Variants in MYO16 observed in about 807,000 individuals in gnomAD.
The protein encoded by MYO16 is unconventional myosin-XVI.
In MYO16, 94 loss-of-function variants were observed where a neutral mutation model predicts 205.3. That is an observed-to-expected ratio of 0.46 (90% CI 0.39 to 0.54). The LOEUF is 0.54. MYO16 is among the 20% of genes least tolerant of loss of function. The probability of loss-of-function intolerance (pLI) is 0.00; values close to 1 mark genes in which losing one functional copy is unlikely to be tolerated. For missense variants in MYO16, 2,315 were observed against 2,387.5 expected (o/e 0.97, Z 0.63); for synonymous variants, 988 against 954.0 (o/e 1.04, Z -0.66).
chr13:108,589,776 T>C, the MYO16 span, among the ~76,000 whole-genome samples: 1 of 152,204 alleles, frequency 6.6e-6, no homozygotes, highest in Admixed American at 6.5e-5. Context: ...AAATGTTTCC[T>C]GGAATTGTGT....
chr13:108,904,339 A>G (rs1431350), intron 15 of MYO16, among the ~76,000 whole-genome samples: 82,333 of 151,984 alleles, frequency 0.54, 22,884 homozygotes, highest in East Asian at 0.71. Flanking sequence ...TACTATCATC[A>G]CACAGACAAG....
At position 108,648,902 on chromosome 13, in the gene MYO16, T is replaced by TTC. The variant is rs143168978; in HGVS notation, c.29-16964_29-16963dup. On this transcript the variant is annotated intron_variant, in intron 1 of 34. Coordinates refer to ENST00000457511, the MANE Select transcript of MYO16 (RefSeq NM_001198950.3). ...ATTTGACTGATATTTTCCATTCTAA[T>TTC]TCTCTCTCTCTCTCTCTCTCTGCAT... Among the ~76,000 whole-genome samples, 613 of 149,202 alleles carry TTC rather than the reference T, an allele frequency of 4.1e-3. 2 individuals are homozygous for TTC. Among genetic ancestry groups the TTC allele is most frequent in the African/African-American group, 0.013 (518 of 40,892 alleles).
At chr13:108,657,069 C>T (rs1881277640) in intron 1 of MYO16, among the ~76,000 whole-genome samples, 1 of 152,196 alleles carries the variant, frequency 6.6e-6, no homozygotes, top group Non-Finnish European at 1.5e-5. Context: ...TGAATATCAT[C>T]TTGAACGGTC....
rs751906192 is a variant in MYO16 at position 108,968,700 on chromosome 13, A to G, written c.2369+3798A>G. 5.9e-5 allele frequency among the ~76,000 whole-genome samples: 9 copies of G among 152,278 alleles called. No individual in the cohort carries two copies. The South Asian group carries it at 1.7e-3, about 28-fold the overall frequency. ...CAATTTGATGAGTGACACAGCAGACATGAGAAGATGCCATTTACACCATGA... is the reference window on the plus strand; with the variant it reads ...CAATTTGATGAGTGACACAGCAGACGTGAGAAGATGCCATTTACACCATGA... On this transcript the variant is annotated intron_variant, in intron 20 of 34. Coordinates refer to ENST00000457511, the MANE Select transcript of MYO16 (RefSeq NM_001198950.3).
chr13:108,869,594 C>G lies in MYO16; in HGVS notation c.1425+3352C>G, dbSNP rs1050860950. Among the ~76,000 whole-genome samples, 99 of 149,942 alleles carry G rather than the reference C, an allele frequency of 6.6e-4. 1 individual carries two copies. Among genetic ancestry groups the G allele is most frequent in the Middle Eastern group, 3.5e-3 (1 of 282 alleles). ...AAAAAAAAAAAAGTTAGCCGGGCGT[C>G]GTGGCGGGCGTCTGTAGTCCCAGCT... On this transcript the variant is annotated intron_variant, in intron 12 of 34. Coordinates refer to ENST00000457511, the MANE Select transcript of MYO16 (RefSeq NM_001198950.3).
At chr13:108,998,527 ATT>A (rs1309811286) in intron 21 of MYO16, among the ~76,000 whole-genome samples, 1 of 152,062 alleles carries the variant, frequency 6.6e-6, no homozygotes, top group African/African-American at 2.4e-5. Flanking sequence ...AGTCCTACAT[ATT>A]TTTTAGTGTT....
chr13:108,764,257 A>G (rs1327453106), intron 4 of MYO16, among the ~76,000 whole-genome samples: 1 of 152,190 alleles, frequency 6.6e-6, no homozygotes, highest in African/African-American at 2.4e-5. Flanking sequence ...CAAAAGAAAT[A>G]TAGGTGTTGG....
the MYO16 span, among the ~76,000 whole-genome samples, chr13:108,582,593 A>T: frequency 1.3e-5 from 2 of 152,316 alleles, no homozygotes; most frequent in South Asian, 4.1e-4. Flanking sequence ...AAACAGGACA[A>T]TTACCAAATG....
chr13:108,823,392 T>TA, intron 9 of MYO16, 114 bp downstream of exon 9: 5 of 918,626 alleles, frequency 5.4e-6, no homozygotes, highest in Non-Finnish European at 7.9e-6. Context: ...AAATGGTTTA[T>TA]CAATGTATAT....
Position 108,793,611 on chromosome 13 carries a change from A to G in MYO16, c.712A>G (p.Asn238Asp), listed in dbSNP as rs147570669. 43 of 1,613,766 alleles carry G rather than the reference A, an allele frequency of 2.7e-5. No individual in the cohort carries two copies. The African/African-American group carries it at 5.2e-4, about 20-fold the overall frequency. ...KHFLSSGGNV[N>D]EKNDEGVTLL... Reference sequence around the variant, plus strand: ...CTTCTTATCATCTGGAGGAAATGTCAATGAGAAAAACGATGAAGGAGTAAC... The same window carrying G: ...CTTCTTATCATCTGGAGGAAATGTCGATGAGAAAAACGATGAAGGAGTAAC... The change falls in exon 6 of 35, where the codon AAT (asparagine) becomes GAT (aspartate). Residue 238 changes from asparagine (N) to aspartate (D), a missense_variant. By Grantham distance (23) the Asn-to-Asp change is conservative. This residue lies in a region of MYO16 where 1,213 missense variants were observed against 1,274.4 expected (regional missense o/e 0.95). Coordinates refer to ENST00000457511, the MANE Select transcript of MYO16 (RefSeq NM_001198950.3).
At chr13:109,160,686 G>T (rs1228028028) in intron 32 of MYO16, among the ~76,000 whole-genome samples, 1 of 152,182 alleles carries the variant, frequency 6.6e-6, no homozygotes, top group African/African-American at 2.4e-5. Flanking sequence ...TTCACTGAGA[G>T]TTTCAAATAT....
At chr13:108,802,739 C>T (rs1887003705) in intron 6 of MYO16, among the ~76,000 whole-genome samples, 1 of 152,166 alleles carries the variant, frequency 6.6e-6, no homozygotes, top group Admixed American at 6.5e-5. Flanking sequence ...CCAGCACTTA[C>T]TTGTCATCTT....
rs758783982 is a variant in MYO16 at position 108,773,683 on chromosome 13, A to G, written c.508-11952A>G. The stretch of plus-strand genomic sequence containing the variant: ...CCTATTTCCAAATAAAGCCACATTC[A>G]CAGGTACTTGGGGGTAAGGCTTAAA... On this transcript the variant is annotated intron_variant, in intron 4 of 34. Transcript: ENST00000457511. 3.3e-5 allele frequency among the ~76,000 whole-genome samples: 5 copies of G among 152,218 alleles called. No homozygotes were observed. The South Asian group carries it at 8.3e-4, about 25-fold the overall frequency.
At chr13:108,720,948 A>G (rs947525145) in intron 3 of MYO16, among the ~76,000 whole-genome samples, 1 of 152,166 alleles carries the variant, frequency 6.6e-6, no homozygotes, top group Non-Finnish European at 1.5e-5. Flanking sequence ...TCATTAGCCA[A>G]TCAGAAGGGC....
upstream of MYO16, among the ~76,000 whole-genome samples, chr13:108,592,794 C>T (rs953469810): frequency 6.6e-6 from 1 of 150,908 alleles, no homozygotes; most frequent in South Asian, 2.1e-4. Context: ...CTCTTAGAAG[C>T]TTTGATACGA....
intron 2 of MYO16, among the ~76,000 whole-genome samples, chr13:108,685,534 G>T (rs1882643243): frequency 6.6e-6 from 1 of 152,180 alleles, no homozygotes; most frequent in African/African-American, 2.4e-5. Flanking sequence ...TGTGTTGAGT[G>T]TTTCAGGTGT....
At chr13:108,872,962 T>C (rs1185439867) in intron 12 of MYO16, among the ~76,000 whole-genome samples, 1 of 152,138 alleles carries the variant, frequency 6.6e-6, no homozygotes, top group East Asian at 1.9e-4. Flanking sequence ...ACCCATAAAA[T>C]TGTAGATATT....
intron 21 of MYO16, among the ~76,000 whole-genome samples, chr13:108,998,767 C>CT (rs1885119927): frequency 6.6e-6 from 1 of 152,148 alleles, no homozygotes; most frequent in Admixed American, 6.5e-5. Context: ...TGGCTGTTGG[C>CT]TGGGGGCCTC....
intron 4 of MYO16, among the ~76,000 whole-genome samples, chr13:108,735,879 T>C (rs533317248): frequency 2.0e-5 from 3 of 152,284 alleles, no homozygotes; most frequent in Admixed American, 6.5e-5. Context: ...TGATTTGCAT[T>C]TCTCTGATGG....
Sources: allele counts gnomAD v4.1 joint callset (sites outside exome capture counted in the v4.1 genomes callset), GRCh38; gene constraint gnomAD v4.1.1; regional missense constraint gnomAD v4.1.1; transcripts MANE v1.5; gene names NCBI Gene and HGNC (gene_info 2026-07-23, HGNC 2026-07-21).